The following ADAMTSL1 variants were observed in gnomAD, a reference collection of about 807,000 sequenced individuals.
ADAMTSL1 encodes the protein ADAMTS like 1.
A neutral mutation model predicts 201.8 loss-of-function variants in ADAMTSL1; 126 were observed. That is an observed-to-expected ratio of 0.62 (90% CI 0.54 to 0.72). The LOEUF is 0.72. Ranked by LOEUF, ADAMTSL1 falls within the 30% of genes least tolerant of loss-of-function variation. ADAMTSL1 has a pLI of 0.00. For missense variants in ADAMTSL1, 2,679 were observed against 2,277.8 expected, an observed-to-expected ratio of 1.18 and a Z score of -3.59; for synonymous variants, 1,121 against 903.4, an observed-to-expected ratio of 1.24 and a Z score of -4.32.
At chr9:18,262,960 T>C (rs1831981819) in intron 2 of ADAMTSL1, among the ~76,000 whole-genome samples, 1 of 152,224 alleles carries the variant, frequency 6.6e-6, no homozygotes, top group South Asian at 2.1e-4. Flanking sequence ...ATTGATGAGT[T>C]AGTCTGTGCC....
chr9:18,196,202 C>G (rs932652549), intron 2 of ADAMTSL1, among the ~76,000 whole-genome samples: 1 of 152,014 alleles, frequency 6.6e-6, no homozygotes, highest in Non-Finnish European at 1.5e-5. Context: ...CCTACCCACT[C>G]CTAAACAAAC....
chr9:18,732,803 G>GCTGA (rs1258125135), intron 15 of ADAMTSL1, among the ~76,000 whole-genome samples: 1 of 152,172 alleles, frequency 6.6e-6, no homozygotes, highest in Non-Finnish European at 1.5e-5. Flanking sequence ...CCATATCCTT[G>GCTGA]CTGACCTTCA....
At chr9:18,731,501 T>C (rs1012337658) in intron 15 of ADAMTSL1, among the ~76,000 whole-genome samples, 1 of 151,860 alleles carries the variant, frequency 6.6e-6, no homozygotes, top group South Asian at 2.1e-4. Context: ...CACAGTGGCA[T>C]GCACCTGTTG....
At chr9:18,401,700 A>G (rs187620384) in intron 2 of ADAMTSL1, among the ~76,000 whole-genome samples, 39 of 152,284 alleles carry the variant, frequency 2.6e-4, no homozygotes, top group African/African-American at 8.7e-4. Context: ...TTTACAGTGA[A>G]TCCTTTTCAT....
At chr9:18,793,000 G>A (rs2133829294) in intron 19 of ADAMTSL1, among the ~76,000 whole-genome samples, 1 of 152,310 alleles carries the variant, frequency 6.6e-6, no homozygotes. Flanking sequence ...TGTATGGGTG[G>A]ATGAGCTATA....
chr9:18,593,729 T>G (rs945542504), intron 4 of ADAMTSL1, among the ~76,000 whole-genome samples: 1 of 152,084 alleles, frequency 6.6e-6, no homozygotes, highest in Non-Finnish European at 1.5e-5. Flanking sequence ...AAATTCCTCT[T>G]GTTATTAATT....
intron 7 of ADAMTSL1, among the ~76,000 whole-genome samples, chr9:18,656,810 ATGT>A (rs959486008): frequency 2.6e-5 from 4 of 151,994 alleles, no homozygotes; most frequent in Non-Finnish European, 5.9e-5. Flanking sequence ...AACAGTCTAA[ATGT>A]TGTATCATTC....
intron 2 of ADAMTSL1, among the ~76,000 whole-genome samples, chr9:18,420,255 A>G (rs1205778757): frequency 1.3e-5 from 2 of 152,194 alleles, no homozygotes; most frequent in African/African-American, 4.8e-5. Flanking sequence ...TATAGGATGA[A>G]CTGGAGAGGA....
At chr9:18,802,357 C>G (rs927100102) in intron 20 of ADAMTSL1, among the ~76,000 whole-genome samples, 10 of 152,194 alleles carry the variant, frequency 6.6e-5, no homozygotes, top group African/African-American at 2.4e-4. Flanking sequence ...ACTCCACACT[C>G]TTAGCTACTA....
At chr9:18,450,856 A>G (rs998316300) in intron 2 of ADAMTSL1, among the ~76,000 whole-genome samples, 3 of 152,238 alleles carry the variant, frequency 2.0e-5, no homozygotes, top group Non-Finnish European at 4.4e-5. Context: ...ATATCATTAC[A>G]TAGAGTAAAA....
At chr9:18,389,920 T>G (rs1418026062) in intron 2 of ADAMTSL1, among the ~76,000 whole-genome samples, 1 of 152,088 alleles carries the variant, frequency 6.6e-6, no homozygotes, top group Non-Finnish European at 1.5e-5. Flanking sequence ...CTTTTTACAG[T>G]GATAAGTCTC....
chr9:18,359,784 A>G (rs1206381769), intron 2 of ADAMTSL1, among the ~76,000 whole-genome samples: 3 of 150,148 alleles, frequency 2.0e-5, no homozygotes, highest in East Asian at 2.0e-4. Context: ...GCATTACCCT[A>G]GAAGTCCCCA....
chr9:17,964,799 G>A (rs900396429), intron 1 of ADAMTSL1, among the ~76,000 whole-genome samples: 7 of 152,188 alleles, frequency 4.6e-5, no homozygotes, highest in Non-Finnish European at 8.8e-5. Context: ...GTTTTATTTC[G>A]TGGCTTTCTT....
intron 2 of ADAMTSL1, among the ~76,000 whole-genome samples, chr9:18,521,871 C>T (rs1250126655): frequency 6.6e-6 from 1 of 151,992 alleles, no homozygotes; most frequent in Non-Finnish European, 1.5e-5. Context: ...CTTGTGAAAC[C>T]CACAGGGATG....
chr9:17,995,782 T>C (rs1200416865), intron 1 of ADAMTSL1, among the ~76,000 whole-genome samples: 1 of 151,556 alleles, frequency 6.6e-6, no homozygotes, highest in African/African-American at 2.4e-5. Flanking sequence ...AAAACAGACG[T>C]ACTGTATTAT....
Position 18,890,743 on chromosome 9 carries a change from A to G in ADAMTSL1, c.4643+995A>G, listed in dbSNP as rs191882680. The G allele has an allele frequency of 3.7e-4, 128 of 348,848 alleles. 1 individual carries two copies. The highest frequency in any genetic ancestry group is 2.9e-4 in the Non-Finnish European group (51 of 176,518). The allele number at this position is 348,848 out of a possible 1,614,324, so 21.6% of individuals were successfully genotyped here. A position where few individuals can be genotyped will look rare whatever the true frequency, so the allele number is the denominator to read the frequency against. ...CAAACCCCCCCCACCCCAGCTCCTG[A>G]AAAATTGCTGAAACGTATATTTGGA... On this transcript the variant is annotated intron_variant, in intron 25 of 28. Transcript: ENST00000380548.
rs1821317842 is a variant in ADAMTSL1, at chr9:18,559,287, T to C, written c.238-14743T>C. 2.0e-5 allele frequency among the ~76,000 whole-genome samples: 3 copies of C among 152,212 alleles called. No homozygotes were observed. The South Asian group carries it at 6.2e-4, about 32-fold the overall frequency. ...GAACCCTTTCACTATTGCTTGTTTT[T>C]GTCAGGTTTGTCAAAGATCAGGTGG... On this transcript the variant is annotated intron_variant, in intron 3 of 28. Coordinates refer to ENST00000380548, the MANE Select transcript of ADAMTSL1 (RefSeq NM_001040272.6).
At chr9:18,690,697 G>A (rs969691210) in intron 13 of ADAMTSL1, among the ~76,000 whole-genome samples, 1 of 152,144 alleles carries the variant, frequency 6.6e-6, no homozygotes, top group Admixed American at 6.5e-5. Context: ...CTGGCATATG[G>A]TAGAGGTAAA....
At chr9:18,648,374 T>G (rs1458291794) in intron 7 of ADAMTSL1, among the ~76,000 whole-genome samples, 1 of 151,864 alleles carries the variant, frequency 6.6e-6, no homozygotes, top group Non-Finnish European at 1.5e-5. Context: ...ATTGGCGCAT[T>G]TAGTCCATTT....
Sources: gnomAD v4.1 joint callset for allele counts (sites outside exome capture counted in the v4.1 genomes callset) on GRCh38, gnomAD v4.1.1 for gene constraint, MANE v1.5 for transcripts, NCBI Gene and HGNC (gene_info 2026-07-23, HGNC 2026-07-21) for gene names.